The following GULP1 variants were observed in gnomAD, a reference collection of about 807,000 sequenced individuals.
GULP1 encodes PTB domain-containing engulfment adapter protein 1.
In GULP1, 19 loss-of-function variants were observed where a neutral mutation model predicts 40.9. The ratio of observed to expected loss-of-function variants is 0.46; its 90% CI spans 0.32 to 0.68. GULP1 has a LOEUF of 0.68. GULP1 is among the 30% of genes least tolerant of loss of function. The probability of loss-of-function intolerance (pLI) is 0.03; values close to 1 mark genes in which losing one functional copy is unlikely to be tolerated. For synonymous variants in GULP1, 119 were observed against 117.6 expected (o/e 1.01, Z -0.08); for missense variants, 312 against 362.2 (o/e 0.86, Z 1.12).
chr2:188,366,941 G>A (rs1309800610), intron 1 of GULP1, among the ~76,000 whole-genome samples: 1 of 152,106 alleles, frequency 6.6e-6, no homozygotes, highest in African/African-American at 2.4e-5. Flanking sequence ...TGTGGCATAT[G>A]CTCCTTAACT....
At chr2:188,504,866 A>C (rs1045565510) in intron 4 of GULP1, among the ~76,000 whole-genome samples, 6 of 150,488 alleles carry the variant, frequency 4.0e-5, no homozygotes, top group Admixed American at 2.0e-4. Flanking sequence ...GTCATAGCCT[A>C]CTTTCTGAAT....
intron 5 of GULP1, among the ~76,000 whole-genome samples, chr2:188,524,602 ATAT>A (rs1685667396): frequency 7.2e-6 from 1 of 138,544 alleles, no homozygotes; most frequent in Non-Finnish European, 1.6e-5. Context: ...TTATATATAT[ATAT>A]TTTTTTTTTG....
intron 2 of GULP1, among the ~76,000 whole-genome samples, chr2:188,452,402 G>T (rs2058905439): frequency 6.6e-6 from 1 of 152,134 alleles, no homozygotes. Context: ...TAAAGAGATA[G>T]ATCACATAGT....
At chr2:188,523,061 C>A in intron 5 of GULP1, 1 of 366,866 alleles carries the variant, frequency 2.7e-6, no homozygotes, top group Non-Finnish European at 5.1e-6. Context: ...TATAATGTGT[C>A]ATATTAAAAA....
intron 2 of GULP1, among the ~76,000 whole-genome samples, chr2:188,454,939 A>C (rs2059138217): frequency 6.6e-6 from 1 of 152,210 alleles, no homozygotes; most frequent in South Asian, 2.1e-4. Context: ...CCTGGGAAAC[A>C]TAGTGAGACC....
intron 11 of GULP1, chr2:188,589,745 G>C (rs1278698745): frequency 1.4e-6 from 2 of 1,399,262 alleles, no homozygotes; most frequent in African/African-American, 3.0e-5. Context: ...GGTAGCGCCA[G>C]AGATGGTTGG....
intron 1 of GULP1, among the ~76,000 whole-genome samples, chr2:188,371,981 A>G (rs952168449): frequency 7.4e-6 from 1 of 134,440 alleles, no homozygotes; most frequent in Non-Finnish European, 1.6e-5. Context: ...AGTTAGATCC[A>G]TTTAAGAGGT....
At chr2:188,571,314 C>T (rs1227741599) in intron 9 of GULP1, among the ~76,000 whole-genome samples, 4 of 152,172 alleles carry the variant, frequency 2.6e-5, no homozygotes, top group Non-Finnish European at 5.9e-5. Flanking sequence ...TTCACAAGCT[C>T]ATCACTATGA....
chr2:188,370,172 GT>G (rs1483070769), intron 1 of GULP1, among the ~76,000 whole-genome samples: 3 of 152,082 alleles, frequency 2.0e-5, no homozygotes, highest in Admixed American at 6.5e-5. Context: ...AAAGGCTTAT[GT>G]TGATTGTCTT....
intron 7 of GULP1, among the ~76,000 whole-genome samples, chr2:188,560,411 A>G (rs750184119): frequency 6.6e-6 from 1 of 152,174 alleles, no homozygotes; most frequent in Non-Finnish European, 1.5e-5. Context: ...TGTCTACATC[A>G]CTATTGGCAT....
chr2:188,538,995 A>AT (rs892711942), intron 6 of GULP1, among the ~76,000 whole-genome samples: 7 of 150,782 alleles, frequency 4.6e-5, no homozygotes, highest in Admixed American at 1.3e-4. Context: ...TAGAATCTTT[A>AT]TTTTTTTTTC....
chr2:188,559,070 C>T (rs903787984), intron 7 of GULP1, among the ~76,000 whole-genome samples: 5 of 152,138 alleles, frequency 3.3e-5, no homozygotes, highest in East Asian at 1.9e-4. Flanking sequence ...AATGAGGAGC[C>T]GAATGTTAAT....
chr2:188,474,258 C>A (rs955275875), intron 2 of GULP1, among the ~76,000 whole-genome samples: 1 of 152,114 alleles, frequency 6.6e-6, no homozygotes, highest in Admixed American at 6.6e-5. Flanking sequence ...CAGTAGGTCA[C>A]GTGCCCCAGC....
At chr2:188,301,668 G>C (rs139667365) in intron 1 of GULP1, among the ~76,000 whole-genome samples, 1 of 152,254 alleles carries the variant, frequency 6.6e-6, no homozygotes, top group African/African-American at 2.4e-5. Context: ...CCCAGTTTTA[G>C]TCATATGTCA....
At chr2:188,377,239 G>T (rs1183558480) in intron 1 of GULP1, among the ~76,000 whole-genome samples, 1 of 152,056 alleles carries the variant, frequency 6.6e-6, no homozygotes, top group African/African-American at 2.4e-5. Context: ...ATGTACTATG[G>T]TTTTATTTAC....
rs777082278 is a variant in GULP1 at position 188,584,395 on chromosome 2, C to T, written c.740C>T (p.Thr247Ile). Residue 247 changes from threonine (T) to isoleucine (I), a missense_variant, in exon 10 of 12, where the codon ACT (threonine) becomes ATT (isoleucine). Coordinates refer to ENST00000409830, the MANE Select transcript of GULP1 (RefSeq NM_016315.4). ...CCACCTCCAGTACCTAGTAGATCTACTGAGATTAGTAAGCTTTCTCAACAA... is the reference window on the plus strand; with the variant it reads ...CCACCTCCAGTACCTAGTAGATCTATTGAGATTAGTAAGCTTTCTCAACAA... The part of the protein sequence containing the change: ...TQPPPVPSRS[T>I]EIKRDLFGAE... 2 of 1,579,058 alleles carry T rather than the reference C, an allele frequency of 1.3e-6. No individual in the cohort carries two copies. The highest frequency in any genetic ancestry group is 1.7e-5 in the Admixed American group (1 of 58,778).
At chr2:188,337,410 G>A (rs2152113178) in intron 1 of GULP1, among the ~76,000 whole-genome samples, 1 of 150,266 alleles carries the variant, frequency 6.7e-6, no homozygotes, top group East Asian at 1.9e-4. Context: ...AAAATGCTGG[G>A]ATTACAGATG....
At chr2:188,310,094 C>G (rs2037815638) in intron 1 of GULP1, among the ~76,000 whole-genome samples, 1 of 152,182 alleles carries the variant, frequency 6.6e-6, no homozygotes, top group Non-Finnish European at 1.5e-5. Flanking sequence ...TCTGTGACTT[C>G]ATTTACTCCC....
At chr2:188,426,730 G>A (rs1322946257) in intron 2 of GULP1, among the ~76,000 whole-genome samples, 1 of 152,124 alleles carries the variant, frequency 6.6e-6, no homozygotes. Context: ...ATAGCAATGT[G>A]AGAACAGACT....
Sources: gnomAD v4.1 joint callset for allele counts (sites outside exome capture counted in the v4.1 genomes callset) on GRCh38, gnomAD v4.1.1 for gene constraint, MANE v1.5 for transcripts, NCBI Gene and HGNC (gene_info 2026-07-23, HGNC 2026-07-21) for gene names.